Variants in ANKRD65 observed in about 807,000 individuals in gnomAD.
The protein encoded by ANKRD65 is ankyrin repeat domain-containing protein 65.
In ANKRD65, 26 loss-of-function variants were observed where a neutral mutation model predicts 17.2. The ratio of observed to expected loss-of-function variants is 1.51; its 90% CI spans 1.11 to 2.09. The LOEUF is 2.09. Ranked by LOEUF, ANKRD65 falls within the 30% of genes most tolerant of loss-of-function variation. ANKRD65 has a pLI of 0.00. For missense variants in ANKRD65, 621 were observed against 542.2 expected (o/e 1.15, Z -1.44); for synonymous variants, 311 against 272.2 (o/e 1.14, Z -1.40).
chr1:1,419,469 G>C lies in ANKRD65; in HGVS notation c.831C>G (p.Ala277=). ...RHGRSALHRA[A]ARGHLLAVQL... ...GGACGGCAAGCAGGTGTCCTCGGGC[G>C]GCAGCCCTGTGCAGCGCAGAGCGGC... The change falls in exon 4 of 4, where the codon GCC becomes GCG. Residue 277 remains alanine, a synonymous_variant. Transcript: ENST00000537107. The C allele has an allele frequency of 6.5e-7, 1 of 1,548,164 alleles. No individual in the cohort carries two copies.
rs1645552654 is a variant in ANKRD65, at chr1:1,421,212, G to T, written c.-80C>A. On this transcript the variant is annotated 5_prime_UTR_variant, in exon 1 of 4. Coordinates refer to ENST00000537107, the MANE Select transcript of ANKRD65 (RefSeq NM_001145210.3). Reference sequence around the variant, plus strand: ...GGTTCTGGCCGAGGCTCAGCCTGGTGACCCTCTTCACAAAATCCCTTCTGC... The same window carrying T: ...GGTTCTGGCCGAGGCTCAGCCTGGTTACCCTCTTCACAAAATCCCTTCTGC... 2 of 585,032 alleles carry T rather than the reference G, an allele frequency of 3.4e-6. No homozygotes were observed. The highest frequency in any genetic ancestry group is 3.7e-5 in the African/African-American group (2 of 53,774). The allele number at this position is 585,032 out of a possible 1,614,324, so 36.2% of individuals were successfully genotyped here.
At position 1,419,307 on chromosome 1, in the gene ANKRD65, G is replaced by A. The variant is rs532533063; in HGVS notation, c.993C>T (p.Thr331=). 313 of 1,550,362 alleles carry A rather than the reference G, an allele frequency of 2.0e-4. No homozygotes were observed. The African/African-American group carries it at 3.1e-3, about 15-fold the overall frequency. ...GTAGGGGGGTCTTTCGGAGCCAGCC[G>A]GTAGCATCCACCTGGGCACCCCTGT... is the stretch of plus-strand genomic sequence containing the variant. ...LLDRGAQVDA[T]GWLRKTPLHL... Residue 331 remains threonine, a synonymous_variant, in exon 4 of 4, where the codon ACC becomes ACT. Coordinates refer to ENST00000537107, the MANE Select transcript of ANKRD65 (RefSeq NM_001145210.3).
At position 1,419,373 on chromosome 1, in the gene ANKRD65, G is replaced by A. The variant is rs1457276557; in HGVS notation, c.927C>T (p.Ala309=). 1.3e-6 allele frequency: 2 copies of A among 1,550,084 alleles called. No individual in the cohort carries two copies. The highest frequency in any genetic ancestry group is 1.4e-5 in the African/African-American group (1 of 73,052). Residue 309 remains alanine, a synonymous_variant, in exon 4 of 4, where the codon GCC becomes GCT. Coordinates refer to ENST00000537107, the MANE Select transcript of ANKRD65 (RefSeq NM_001145210.3). The part of the protein sequence containing the change: ...DTLGLTPLHH[A]SREGHVEVAG... The stretch of plus-strand genomic sequence containing the variant: ...CAACCTCCACGTGGCCTTCCCGAGA[G>A]GCGTGATGCAGGGGTGTGAGGCCCA...
In ANKRD65 at chr1:1,420,326, A is replaced by T. The variant is rs1645528016; in HGVS notation, c.476T>A (p.Leu159Gln). 4 of 1,125,282 alleles carry T rather than the reference A, an allele frequency of 3.6e-6. No individual in the cohort carries two copies. The South Asian group carries it at 1.0e-4, about 28-fold the overall frequency. The allele number at this position is 1,125,282 out of a possible 1,614,324, so 69.7% of individuals were successfully genotyped here. Residue 159 changes from leucine (L) to glutamine (Q), a missense_variant, in exon 3 of 4, where the codon CTG becomes CAG. Transcript: ENST00000537107. ...ALGHTLLAAR[L>Q]LEAPGPGPAA... is the part of the protein sequence containing the mutation. The stretch of plus-strand genomic sequence containing the variant: ...GGGTCCCGGGCCCGGAGCCTCCAGC[A>T]GGCGCGCGGCCAGCAGCGTGTGGCC...
rs185838741 is a variant in ANKRD65, at chr1:1,419,158, G to A, written c.1142C>T (p.Ala381Val). 3.1e-3 allele frequency: 4,815 copies of A among 1,542,610 alleles called. 29 individuals carry two copies. The highest frequency in any genetic ancestry group is 0.015 in the Middle Eastern group (90 of 5,964). ...CTCCCCCCCTCCAAGTTCAGGCAGC[G>A]CCTGGGGCAGGTCCCCCTCAGGCAT... ...AQMPEGDLPQALPELGGGEKE... is the reference protein window; with the variant it reads ...AQMPEGDLPQVLPELGGGEKE... The change falls in exon 4 of 4, where the codon GCG becomes GTG. Residue 381 changes from alanine to valine, a missense_variant. Ala to Val is a moderately conservative substitution (Grantham distance 64). Transcript: ENST00000537107.
chr1:1,419,161 TG>T lies in ANKRD65; in HGVS notation c.1138del (p.Gln380ArgfsTer16), dbSNP rs1329882062. The T allele has an allele frequency of 6.5e-7, 1 of 1,542,974 alleles. No individual in the cohort carries two copies. The highest frequency in any genetic ancestry group is 8.8e-7 in the Non-Finnish European group (1 of 1,141,210). On this transcript the variant is annotated frameshift_variant, in exon 4 of 4. Transcript: ENST00000537107. LOFTEE classifies it low-confidence loss of function (END_TRUNC). ...CCCCCCTCCAAGTTCAGGCAGCGCC[TG>T]GGGCAGGTCCCCCTCAGGCATCTGG... ...VAQMPEGDLP[Q>X]ALPELGGGEK... is the part of the protein sequence containing the mutation.
rs574941140 is a variant in ANKRD65 at position 1,419,148 on chromosome 1, T to G, written c.1152A>C (p.Glu384Asp). 4 of 1,537,610 alleles carry G rather than the reference T, an allele frequency of 2.6e-6. No homozygotes were observed. In the East Asian group the frequency reaches 9.9e-5, roughly 38 times the overall value. ...CACACTCCTTCTCCCCCCCTCCAAG[T>G]TCAGGCAGCGCCTGGGGCAGGTCCC... is the stretch of plus-strand genomic sequence containing the variant. The part of the protein sequence containing the change: ...PEGDLPQALP[E>D]LGGGEKECEG... The change falls in exon 4 of 4, where the codon GAA becomes GAC. Residue 384 changes from glutamate (E) to aspartate (D), a missense_variant. Physicochemically the swap from Glu to Asp is conservative, Grantham distance 45. Coordinates refer to ENST00000537107, the MANE Select transcript of ANKRD65 (RefSeq NM_001145210.3).
chr1:1,419,982 G>A lies in ANKRD65; in HGVS notation c.750+70C>T, dbSNP rs575173407. The A allele has an allele frequency of 1.9e-5, 23 of 1,205,152 alleles. No individual in the cohort carries two copies. In the East Asian group the frequency reaches 3.6e-4, roughly 19 times the overall value. 74.7% of individuals were successfully genotyped at this position (1,205,152 alleles called of 1,614,324 possible). On this transcript the variant is annotated intron_variant, in intron 3 of 3. Transcript: ENST00000537107. ...CCCCCAGCCTGGCTCCAGCTGCCCC[G>A]GTGGCACGTCTCTGGGGATCCTGGC...
chr1:1,420,232 C>T lies in ANKRD65; in HGVS notation c.570G>A (p.Leu190=), dbSNP rs1429466568. ...CGGCCGCCAGCAGCTCCAGCACCGC[C>T]AGCCGCCCGCCCGCGGCCGCCCAGT... The part of the protein sequence containing the change: ...AAHWAAAGGR[L]AVLELLAAGG... Residue 190 remains leucine, a synonymous_variant, in exon 3 of 4, where the codon CTG becomes CTA. Coordinates refer to ENST00000537107, the MANE Select transcript of ANKRD65 (RefSeq NM_001145210.3). The T allele has an allele frequency of 5.0e-6, 5 of 990,322 alleles. No individual in the cohort carries two copies. The highest frequency in any genetic ancestry group is 6.2e-5 in the Admixed American group (1 of 16,080). The allele number at this position is 990,322 out of a possible 1,614,324, so 61.3% of individuals were successfully genotyped here. A position where few individuals can be genotyped will look rare whatever the true frequency, so the allele number is the denominator to read the frequency against.
At chr1:1,420,724 C>T (rs1376621670) in intron 2 of ANKRD65, 73 bp downstream of exon 2, 12 of 1,471,970 alleles carry the variant, frequency 8.2e-6, no homozygotes, top group Admixed American at 2.2e-5. Context: ...GACTCCTCCA[C>T]CCACCCAGTG....
In ANKRD65 at chr1:1,420,508, G is replaced by A; in HGVS notation, c.294C>T (p.Ala98=). ...PLVRLLLQRG[A]PVGAVDRAGR... is the part of the protein sequence containing the mutation. The stretch of plus-strand genomic sequence containing the variant: ...CCGCCCGGTCCACCGCGCCCACCGG[G>A]GCCCCTCGCTGCAGCAGGAGACGCA... Residue 98 remains alanine, a synonymous_variant, in exon 3 of 4, where the codon GCC becomes GCT. Coordinates refer to ENST00000537107, the MANE Select transcript of ANKRD65 (RefSeq NM_001145210.3). 7.8e-7 allele frequency: 1 copy of A among 1,275,088 alleles called. No homozygotes were observed. The highest frequency in any genetic ancestry group is 9.8e-7 in the Non-Finnish European group (1 of 1,017,206). 79.0% of individuals were successfully genotyped at this position (1,275,088 alleles called of 1,614,324 possible). A position where few individuals can be genotyped will look rare whatever the true frequency, so the allele number is the denominator to read the frequency against.
rs1381038711 is a variant in ANKRD65, at chr1:1,418,959, C to G, written c.*141G>C. ...TCCCTGGTCCAGCCAAGGCCTGTGA[C>G]TGCAGCTCAAGCCACATCCCCTACT... is the stretch of plus-strand genomic sequence containing the variant. On this transcript the variant is annotated 3_prime_UTR_variant, in exon 4 of 4. Transcript: ENST00000537107. 9.8e-7 allele frequency: 1 copy of G among 1,017,122 alleles called. No individual in the cohort carries two copies. The highest frequency in any genetic ancestry group is 1.4e-6 in the Non-Finnish European group (1 of 714,142). The allele number at this position is 1,017,122 out of a possible 1,614,324, so 63.0% of individuals were successfully genotyped here. A position where few individuals can be genotyped will look rare whatever the true frequency, so the allele number is the denominator to read the frequency against.
At position 1,419,576 on chromosome 1, in the gene ANKRD65, C is replaced by T. The variant is rs866447868; in HGVS notation, c.751-27G>A. On this transcript the variant is annotated intron_variant, in intron 3 of 3. Transcript: ENST00000537107. Reference sequence around the variant, plus strand: ...TAGAAGAGGAGAGAAAAGCAGGGGCCGGCCTCAGCCCGGTAGGCGAGGGGC... The same window carrying T: ...TAGAAGAGGAGAGAAAAGCAGGGGCTGGCCTCAGCCCGGTAGGCGAGGGGC... The T allele has an allele frequency of 1.9e-5, 29 of 1,495,386 alleles. No individual in the cohort carries two copies. In the Middle Eastern group the frequency reaches 7.0e-4, roughly 36 times the overall value. The allele number at this position is 1,495,386 out of a possible 1,614,324, so 92.6% of individuals were successfully genotyped here.
intron 3 of ANKRD65, 146 bp from the exon 4 acceptor site, chr1:1,419,695 C>G: frequency 2.5e-6 from 2 of 807,672 alleles, no homozygotes; most frequent in Non-Finnish European, 3.8e-6. Flanking sequence ...GAGGCCGAAC[C>G]CAAGGCTGGC....
chr1:1,420,179 A>AGCAGGGCGGC lies in ANKRD65; in HGVS notation c.622_623insGCCGCCCTGC (p.Leu208ArgfsTer49). The AGCAGGGCGGC allele has an allele frequency of 4.7e-6, 5 of 1,071,362 alleles. No homozygotes were observed. The highest frequency in any genetic ancestry group is 5.6e-6 in the Non-Finnish European group (5 of 888,520). 66.4% of individuals were successfully genotyped at this position (1,071,362 alleles called of 1,614,324 possible). The stretch of plus-strand genomic sequence containing the variant: ...CCCGCGCCCCGCAGCGGCAGCCACG[A>AGCAGGGCGGC]GCAGGGCGCCGTCCAGGCCCGCGCC... On this transcript the variant is annotated frameshift_variant, in exon 3 of 4. Coordinates refer to ENST00000537107, the MANE Select transcript of ANKRD65 (RefSeq NM_001145210.3). LOFTEE classifies it high-confidence loss of function.
At position 1,421,007 on chromosome 1, in the gene ANKRD65, TG is replaced by T. The variant is rs779039068; in HGVS notation, c.1-3del. ...GGGCTCAGGCCTCTGGGAGTCCATCTGGGGGGGAGCAGGGATCCTACATCCA... is the reference window on the plus strand; with the variant it reads ...GGGCTCAGGCCTCTGGGAGTCCATCTGGGGGGAGCAGGGATCCTACATCCA... On this transcript the variant is annotated splice_region_variant and splice_polypyrimidine_tract_variant and intron_variant, in intron 1 of 3. Coordinates refer to ENST00000537107, the MANE Select transcript of ANKRD65 (RefSeq NM_001145210.3). 1.3e-6 allele frequency: 2 copies of T among 1,550,184 alleles called. No homozygotes were observed. Among genetic ancestry groups the T allele is most frequent in the Non-Finnish European group, 1.7e-6 (2 of 1,146,882 alleles).
intron 3 of ANKRD65, among the ~76,000 whole-genome samples, chr1:1,419,838 T>C (rs1051091813): frequency 2.6e-5 from 4 of 152,194 alleles, no homozygotes; most frequent in Non-Finnish European, 4.4e-5. Context: ...AGTCTGTTGC[T>C]GCCACCAGCA....
Position 1,419,393 on chromosome 1 carries a change from G to A in ANKRD65, c.907C>T (p.Leu303Phe), listed in dbSNP as rs780567034. Residue 303 changes from leucine (L) to phenylalanine (F), a missense_variant, in exon 4 of 4, where the codon CTC becomes TTC. Transcript: ENST00000537107. ...CGAGAGGCGTGATGCAGGGGTGTGAGGCCCAGGGTGTCCCGCGCATCCACC... is the reference window on the plus strand; with the variant it reads ...CGAGAGGCGTGATGCAGGGGTGTGAAGCCCAGGGTGTCCCGCGCATCCACC... ...AEVDARDTLGLTPLHHASREG... is the reference protein window; with the variant it reads ...AEVDARDTLGFTPLHHASREG... 9.7e-6 allele frequency: 15 copies of A among 1,549,936 alleles called. No homozygotes were observed. The highest frequency in any genetic ancestry group is 1.7e-4 in the Middle Eastern group (1 of 6,014).
At chr1:1,420,683 G>T in intron 2 of ANKRD65, 91 bp from the exon 3 acceptor site, 1 of 1,223,252 alleles carries the variant, frequency 8.2e-7, no homozygotes, top group Non-Finnish European at 1.0e-6. Context: ...ACCCAGCGCT[G>T]GGACCCCCGT....
Sources: gnomAD v4.1 joint callset for allele counts (sites outside exome capture counted in the v4.1 genomes callset) on GRCh38, gnomAD v4.1.1 for gene constraint, MANE v1.5 for transcripts, NCBI Gene and HGNC (gene_info 2026-07-23, HGNC 2026-07-21) for gene names.